The following STAG1 variants were observed in gnomAD, a reference collection of about 807,000 sequenced individuals.
STAG1 encodes STAG1 cohesin complex component, also known as cohesin subunit SA-1.
Under a neutral mutation model 170.9 loss-of-function variants are expected in STAG1, and 26 were observed. That is an observed-to-expected ratio of 0.15 (90% CI 0.11 to 0.21). The LOEUF (loss-of-function observed/expected upper bound fraction) is 0.21. Ranked by LOEUF, STAG1 falls within the 10% of genes least tolerant of loss-of-function variation. The pLI is 1.00. For synonymous variants in STAG1, 514 were observed against 497.7 expected (o/e 1.03, Z -0.44); for missense variants, 964 against 1,509.5 (o/e 0.64, Z 5.99).
intron 4 of STAG1, among the ~76,000 whole-genome samples, chr3:136,603,964 TC>T (rs1368274541): frequency 6.6e-6 from 1 of 152,290 alleles, no homozygotes; most frequent in East Asian, 1.9e-4. Flanking sequence ...ACTTAAGAAT[TC>T]TTTTTTTATA....
chr3:136,462,772 A>C (rs923649766), intron 13 of STAG1, among the ~76,000 whole-genome samples: 1 of 152,196 alleles, frequency 6.6e-6, no homozygotes. Flanking sequence ...AAAATATCAC[A>C]TGTACCCTAT....
intron 22 of STAG1, among the ~76,000 whole-genome samples, chr3:136,378,760 G>A (rs1419419755): frequency 6.6e-6 from 1 of 152,192 alleles, no homozygotes; most frequent in African/African-American, 2.4e-5. Context: ...TTGATCCTAA[G>A]AAACAGTAAT....
intron 1 of STAG1, chr3:136,721,389 T>C (rs1402549166): frequency 6.6e-6 from 1 of 152,232 alleles, no homozygotes; most frequent in Non-Finnish European, 1.5e-5. Flanking sequence ...TCTTAGAATC[T>C]TGTTGAATAT....
At chr3:136,479,007 T>A (rs866538266) in intron 9 of STAG1, among the ~76,000 whole-genome samples, 3 of 151,682 alleles carry the variant, frequency 2.0e-5, no homozygotes, top group African/African-American at 7.3e-5. Flanking sequence ...AGACTTAGAA[T>A]TCTACCTGGC....
intron 1 of STAG1, among the ~76,000 whole-genome samples, chr3:136,709,627 A>G (rs1302186794): frequency 6.6e-6 from 1 of 151,214 alleles, no homozygotes; most frequent in Non-Finnish European, 1.5e-5. Context: ...CCCGGCTACT[A>G]GGGAGACTGA....
chr3:136,656,689 T>G (rs1030351399), intron 1 of STAG1, among the ~76,000 whole-genome samples: 3 of 145,996 alleles, frequency 2.1e-5, no homozygotes, highest in East Asian at 2.0e-4. Context: ...ATAACCCACA[T>G]AAAGGAAATA....
intron 9 of STAG1, among the ~76,000 whole-genome samples, chr3:136,489,671 T>G (rs754049915): frequency 6.6e-6 from 1 of 152,078 alleles, no homozygotes; most frequent in African/African-American, 2.4e-5. Flanking sequence ...TTTTCCAAAA[T>G]AGAATAATTA....
Position 136,357,865 on chromosome 3 carries a change from T to C in STAG1, c.2937-17A>G. 6.3e-7 allele frequency: 1 copy of C among 1,580,342 alleles called. No individual in the cohort carries two copies. ...ATGCCATCCCTGAAGTAAAAGAAAATATCAACTTATTTTTCCAGATAGTGT... is the reference window on the plus strand; with the variant it reads ...ATGCCATCCCTGAAGTAAAAGAAAACATCAACTTATTTTTCCAGATAGTGT... On this transcript the variant is annotated splice_polypyrimidine_tract_variant and intron_variant, in intron 27 of 33. Coordinates refer to ENST00000383202, the MANE Select transcript of STAG1 (RefSeq NM_005862.3).
At chr3:136,529,418 T>C (rs9852623) in intron 6 of STAG1, among the ~76,000 whole-genome samples, 103 of 152,174 alleles carry the variant, frequency 6.8e-4, no homozygotes, top group Non-Finnish European at 9.1e-4. Flanking sequence ...GAAACCTTCA[T>C]CAGACTACCA....
chr3:136,694,939 TGAGA>T (rs1486337115), intron 1 of STAG1, among the ~76,000 whole-genome samples: 33 of 152,280 alleles, frequency 2.2e-4, no homozygotes, highest in Admixed American at 1.9e-3. Flanking sequence ...AGGTGGCACC[TGAGA>T]AATAGAAAAA....
At chr3:136,654,009 T>C (rs1002413924) in intron 1 of STAG1, among the ~76,000 whole-genome samples, 5 of 152,138 alleles carry the variant, frequency 3.3e-5, no homozygotes, top group African/African-American at 9.7e-5. Context: ...AGATGATATA[T>C]GAAAAACACA....
chr3:136,340,672 C>A, intron 31 of STAG1, 67 bp from the exon 32 acceptor site: 1 of 1,033,574 alleles, frequency 9.7e-7, no homozygotes, highest in South Asian at 1.3e-5. Context: ...GGCTGTTTCT[C>A]AGATTAAAGT....
intron 24 of STAG1, 47 bp downstream of exon 24, chr3:136,369,061 G>A (rs767761261): frequency 7.2e-7 from 1 of 1,384,310 alleles, no homozygotes; most frequent in Non-Finnish European, 9.5e-7. Flanking sequence ...TATCTTTTGG[G>A]GTTGGTAAAA....
At chr3:136,420,076 A>G (rs1049178895) in intron 20 of STAG1, among the ~76,000 whole-genome samples, 8 of 151,934 alleles carry the variant, frequency 5.3e-5, no homozygotes, top group Non-Finnish European at 8.8e-5. Flanking sequence ...TGGTGAAACC[A>G]TCTCTATTAA....
intron 21 of STAG1, among the ~76,000 whole-genome samples, chr3:136,403,090 T>C (rs2087376733): frequency 6.6e-6 from 1 of 151,426 alleles, no homozygotes; most frequent in Non-Finnish European, 1.5e-5. Context: ...TAGCTAAGCA[T>C]GGTGGCACAT....
chr3:136,589,374 G>A (rs556307155), intron 4 of STAG1, among the ~76,000 whole-genome samples: 10 of 152,030 alleles, frequency 6.6e-5, no homozygotes, highest in Admixed American at 3.9e-4. Flanking sequence ...GTGTGGTGGC[G>A]TGTGCCTGTA....
intron 9 of STAG1, among the ~76,000 whole-genome samples, chr3:136,486,363 A>G (rs1346517398): frequency 6.6e-6 from 1 of 152,228 alleles, no homozygotes; most frequent in Non-Finnish European, 1.5e-5. Context: ...TCTGAGCTAC[A>G]GCTTTGTATA....
intron 9 of STAG1, among the ~76,000 whole-genome samples, chr3:136,479,060 C>CTTTTTTTTTTTTTTTTTATTTTTTT (rs66966875): frequency 8.0e-6 from 1 of 125,174 alleles, no homozygotes; most frequent in Non-Finnish European, 1.6e-5. Context: ...TATAATCTTT[C>CTTTTTTTTTTTTTTTTTATTTTTTT]TTTTTTTTTT....
At chr3:136,504,378 A>C (rs111557520) in intron 7 of STAG1, among the ~76,000 whole-genome samples, 176 of 152,346 alleles carry the variant, frequency 1.2e-3, no homozygotes, top group African/African-American at 2.4e-3. Context: ...ATTAGAAATG[A>C]ATTAAATGAA....
Sources: allele counts gnomAD v4.1 joint callset (sites outside exome capture counted in the v4.1 genomes callset), GRCh38; gene constraint gnomAD v4.1.1; transcripts MANE v1.5; gene names NCBI Gene and HGNC (gene_info 2026-07-23, HGNC 2026-07-21).